COL4A1: variants seen among roughly 807,000 people sequenced by gnomAD.
The protein encoded by COL4A1 is collagen type IV alpha 1 chain.
Under a neutral mutation model 216.6 loss-of-function variants are expected in COL4A1, and 40 were observed. The observed-to-expected ratio is 0.18, with a 90% confidence interval of 0.14 to 0.24. COL4A1 has a LOEUF of 0.24. Ranked by LOEUF, COL4A1 falls within the 10% of genes least tolerant of loss-of-function variation. COL4A1 has a pLI of 1.00. For synonymous variants in COL4A1, 839 were observed against 810.7 expected, an observed-to-expected ratio of 1.03 and a Z score of -0.59; for missense variants, 1,628 against 2,196.8, an observed-to-expected ratio of 0.74 and a Z score of 5.18.
At chr13:110,290,411 T>C (rs1432480408) in intron 1 of COL4A1, among the ~76,000 whole-genome samples, 1 of 152,230 alleles carries the variant, frequency 6.6e-6, no homozygotes, top group Non-Finnish European at 1.5e-5. Flanking sequence ...TTTTATGATT[T>C]ACCCTCTTAA....
intron 1 of COL4A1, among the ~76,000 whole-genome samples, chr13:110,289,076 T>G (rs1272483359): frequency 2.6e-5 from 4 of 151,802 alleles, no homozygotes; most frequent in East Asian, 1.9e-4. Flanking sequence ...AGCCCTTCAG[T>G]GGAGAGGAGA....
Position 110,207,709 on chromosome 13 carries a change from A to G in COL4A1, c.694-220T>C, listed in dbSNP as rs1440879641. 1.3e-5 allele frequency among the ~76,000 whole-genome samples: 2 copies of G among 152,204 alleles called. No homozygotes were observed. The highest frequency in any genetic ancestry group is 2.4e-5 in the African/African-American group (1 of 41,446). On this transcript the variant is annotated intron_variant, in intron 12 of 51. Transcript: ENST00000375820. The surrounding 1 kb of genome is among the most constrained non-coding windows in gnomAD (Gnocchi z 4.4). ...CCAGGAGGAGAATTTCACTTCTTCTATGGGTGGCCACTAGCTCAGGAATAA... is the reference window on the plus strand; with the variant it reads ...CCAGGAGGAGAATTTCACTTCTTCTGTGGGTGGCCACTAGCTCAGGAATAA...
intron 2 of COL4A1, among the ~76,000 whole-genome samples, chr13:110,217,761 A>G (rs756694330): frequency 3.1e-4 from 47 of 152,322 alleles, no homozygotes; most frequent in Non-Finnish European, 6.3e-4. Flanking sequence ...TGGAGGGAGA[A>G]CAAAGTGCCA....
At chr13:110,173,668 T>C (rs1877746065) in intron 40 of COL4A1, among the ~76,000 whole-genome samples, 1 of 152,226 alleles carries the variant, frequency 6.6e-6, no homozygotes, top group Non-Finnish European at 1.5e-5. Flanking sequence ...GCTCAGGTTA[T>C]TTCAGGGGAA....
At chr13:110,257,604 G>A (rs951644371) in intron 1 of COL4A1, among the ~76,000 whole-genome samples, 3 of 152,216 alleles carry the variant, frequency 2.0e-5, no homozygotes, top group African/African-American at 7.2e-5. Context: ...AGGGTGCCAA[G>A]AGCTATCTCT....
chr13:110,194,075 C>T (rs926123610), intron 22 of COL4A1, among the ~76,000 whole-genome samples: 5 of 152,138 alleles, frequency 3.3e-5, no homozygotes, highest in African/African-American at 1.2e-4. Flanking sequence ...AATGGAAGAG[C>T]CCATCTCACA....
chr13:110,290,346 T>C (rs1186037906), intron 1 of COL4A1, among the ~76,000 whole-genome samples: 1 of 152,214 alleles, frequency 6.6e-6, no homozygotes, highest in Non-Finnish European at 1.5e-5. Context: ...CAGCATTCGT[T>C]TTATCATTAA....
intron 12 of COL4A1, among the ~76,000 whole-genome samples, chr13:110,208,307 G>A (rs1879612308): frequency 6.6e-6 from 1 of 152,288 alleles, no homozygotes; most frequent in South Asian, 2.1e-4. Flanking sequence ...CACCCACTTG[G>A]TCCTGGACCT....
chr13:110,164,119 G>T (rs1594538238), intron 46 of COL4A1, among the ~76,000 whole-genome samples: 1 of 151,132 alleles, frequency 6.6e-6, no homozygotes, highest in Admixed American at 6.6e-5. Context: ...CTCTCGAGTA[G>T]CTGGGACTAC....
chr13:110,274,030 G>C (rs648031), intron 1 of COL4A1, among the ~76,000 whole-genome samples: 1 of 152,182 alleles, frequency 6.6e-6, no homozygotes, highest in African/African-American at 2.4e-5. Flanking sequence ...AAAATACAGC[G>C]TTACTACTGT....
chr13:110,166,449 G>A, intron 44 of COL4A1, 146 bp from the exon 45 acceptor site: 1 of 722,102 alleles, frequency 1.4e-6, no homozygotes, highest in Non-Finnish European at 2.6e-6. Context: ...ACTCATATAT[G>A]CATACCCATA....
chr13:110,229,270 G>C (rs573734710), intron 2 of COL4A1, among the ~76,000 whole-genome samples: 2 of 152,334 alleles, frequency 1.3e-5, no homozygotes, highest in South Asian at 4.1e-4. Context: ...AGAAAGGCCA[G>C]TAACAGTAGA....
chr13:110,277,042 C>A (rs192482756), intron 1 of COL4A1, among the ~76,000 whole-genome samples: 132 of 152,308 alleles, frequency 8.7e-4, no homozygotes, highest in African/African-American at 3.1e-3. Context: ...CAGTTATCTG[C>A]CTGACCTCAG....
At chr13:110,215,938 C>T (rs1171990213) in intron 2 of COL4A1, among the ~76,000 whole-genome samples, 2 of 152,200 alleles carry the variant, frequency 1.3e-5, no homozygotes, top group Admixed American at 6.5e-5. Context: ...GACTCAGCCG[C>T]CACACCTCCA....
rs575308430 is a variant in COL4A1 at position 110,255,038 on chromosome 13, C to G, written c.85-12304G>C. 2.1e-3 allele frequency among the ~76,000 whole-genome samples: 324 copies of G among 152,302 alleles called. 2 individuals are homozygous for G. Among genetic ancestry groups the G allele is most frequent in the Middle Eastern group, 3.4e-3 (1 of 294 alleles). ...GGCCCCTACCACGCTAAGCCCATTA[C>G]AAGGAAGGTGGCTGGACAAGCCAGC... On this transcript the variant is annotated intron_variant, in intron 1 of 51. Transcript: ENST00000375820.
At position 110,200,961 on chromosome 13, in the gene COL4A1, C is replaced by T. The variant is rs1325458539; in HGVS notation, c.1085-72G>A. 4.6e-6 allele frequency: 7 copies of T among 1,533,948 alleles called. No individual in the cohort carries two copies. In the East Asian group the frequency reaches 1.6e-4, roughly 34 times the overall value. On this transcript the variant is annotated intron_variant, in intron 19 of 51. Coordinates refer to ENST00000375820, the MANE Select transcript of COL4A1 (RefSeq NM_001845.6). ...TTTGTATACACTTCTTATTTCTCTA[C>T]TGAAAGCCTTGCTTGGTGCATTGGT...
intron 2 of COL4A1, among the ~76,000 whole-genome samples, chr13:110,222,307 T>C (rs1008136456): frequency 6.6e-6 from 1 of 152,130 alleles, no homozygotes; most frequent in African/African-American, 2.4e-5. Flanking sequence ...ACCCAAACTC[T>C]GGCAGACAGT....
chr13:110,295,495 A>G (rs1346314793), intron 1 of COL4A1, among the ~76,000 whole-genome samples: 1 of 136,952 alleles, frequency 7.3e-6, no homozygotes, highest in African/African-American at 2.8e-5. Context: ...GCACTATCTC[A>G]GCTCATTGCA....
chr13:110,272,791 A>C (rs1594107988), intron 1 of COL4A1, among the ~76,000 whole-genome samples: 2 of 152,222 alleles, frequency 1.3e-5, no homozygotes, highest in East Asian at 3.8e-4. Context: ...GCAGGTAAAA[A>C]GGAAGCCACA....
Sources: allele counts gnomAD v4.1 joint callset (sites outside exome capture counted in the v4.1 genomes callset), GRCh38; gene constraint gnomAD v4.1.1; non-coding constraint Gnocchi (gnomAD v3.1); transcripts MANE v1.5; gene names NCBI Gene and HGNC (gene_info 2026-07-23, HGNC 2026-07-21).